The following FKBP10 variants were observed in gnomAD, a reference collection of about 807,000 sequenced individuals.
FKBP10 encodes the protein FKBP prolyl isomerase 10.
FKBP10 carries 34 observed loss-of-function variants against 53.7 expected under a neutral mutation model. That is an observed-to-expected ratio of 0.63 (90% confidence interval 0.48 to 0.84). FKBP10 has a LOEUF of 0.84. FKBP10 is among the 40% of genes least tolerant of loss of function. FKBP10 has a pLI of 0.00. For synonymous variants in FKBP10, 324 were observed against 335.7 expected (o/e 0.97, Z 0.38); for missense variants, 748 against 797.8 (o/e 0.94, Z 0.75).
intron 9 of FKBP10, 48 bp downstream of exon 9, chr17:41,821,865 C>T (rs1555617222): frequency 6.2e-7 from 1 of 1,610,988 alleles, no homozygotes; most frequent in Admixed American, 1.7e-5. Flanking sequence ...AATCCCCGCA[C>T]CCAGGAAGCA....
Position 41,818,496 on chromosome 17 carries a change from T to A in FKBP10, c.696T>A (p.Pro232=). 1 of 1,614,018 alleles carries A rather than the reference T, an allele frequency of 6.2e-7. No individual in the cohort carries two copies. Among genetic ancestry groups the A allele is most frequent in the Non-Finnish European group, 8.5e-7 (1 of 1,179,996 alleles). Reference sequence around the variant, plus strand: ...GAGAGAGAAGGAAGATTATCATCCCTCCATTCCTGGCCTATGGCGAGAAAG... The same window carrying A: ...GAGAGAGAAGGAAGATTATCATCCCACCATTCCTGGCCTATGGCGAGAAAG... ...CPGERRKIII[P]PFLAYGEKGY... Residue 232 remains proline, a synonymous_variant, in exon 4 of 10, where the codon CCT becomes CCA. Coordinates refer to ENST00000321562, the MANE Select transcript of FKBP10 (RefSeq NM_021939.4).
rs530234858 is a variant in FKBP10 at position 41,821,327 on chromosome 17, T to C, written c.1399+238T>C. ...TAGTAGAGACAGGGTTTTGCCATGTTGGTCAGGCTGGTCTTGAACTCCTGA... is the reference window on the plus strand; with the variant it reads ...TAGTAGAGACAGGGTTTTGCCATGTCGGTCAGGCTGGTCTTGAACTCCTGA... On this transcript the variant is annotated intron_variant, in intron 8 of 9. Transcript: ENST00000321562. Among the ~76,000 whole-genome samples, 413 of 152,164 alleles carry C rather than the reference T, an allele frequency of 2.7e-3. 3 individuals are homozygous for C. Among genetic ancestry groups the C allele is most frequent in the African/African-American group, 9.7e-3 (401 of 41,518 alleles).
intron 7 of FKBP10, 50 bp downstream of exon 7, chr17:41,820,511 G>C: frequency 6.3e-7 from 1 of 1,595,706 alleles, no homozygotes; most frequent in South Asian, 1.1e-5. Context: ...GCACAGGCAT[G>C]GGGAGTCCTC....
At chr17:41,819,710 C>T (rs1253153690) in intron 6 of FKBP10, 35 bp downstream of exon 6, 1 of 1,578,568 alleles carries the variant, frequency 6.3e-7, no homozygotes, top group Admixed American at 1.8e-5. Flanking sequence ...CTCAGCTCCT[C>T]CTCCGAACTG....
intron 1 of FKBP10, among the ~76,000 whole-genome samples, chr17:41,814,674 T>C (rs1262081879): frequency 6.6e-6 from 1 of 151,982 alleles, no homozygotes; most frequent in Non-Finnish European, 1.5e-5. Context: ...GAGGCAGGGG[T>C]TGGGATTTAG....
At position 41,817,954 on chromosome 17, in the gene FKBP10, A is replaced by G; in HGVS notation, c.392-135A>G. The stretch of plus-strand genomic sequence containing the variant: ...CCCTATCTCTTAAAAAAAAAAAACA[A>G]AAATAGTGGCATCTCTGTCCCTGGT... On this transcript the variant is annotated intron_variant, in intron 2 of 9. Coordinates refer to ENST00000321562, the MANE Select transcript of FKBP10 (RefSeq NM_021939.4). 14 of 936,702 alleles carry G rather than the reference A, an allele frequency of 1.5e-5. No individual in the cohort carries two copies. The South Asian group carries it at 2.1e-4, about 14-fold the overall frequency. The allele number at this position is 936,702 out of a possible 1,614,324, so 58.0% of individuals were successfully genotyped here.
intron 1 of FKBP10, among the ~76,000 whole-genome samples, chr17:41,816,281 A>G (rs1426650864): frequency 1.0e-4 from 11 of 106,194 alleles, no homozygotes; most frequent in Non-Finnish European, 1.9e-4. Flanking sequence ...GCCAGGCTGG[A>G]GTCCAGTGGC....
At chr17:41,816,672 G>A (rs1555616106) in intron 1 of FKBP10, among the ~76,000 whole-genome samples, 9 of 152,150 alleles carry the variant, frequency 5.9e-5, no homozygotes, top group Non-Finnish European at 1.3e-4. Context: ...AGAAGATACG[G>A]AATGTAAAAT....
chr17:41,821,967 CT>C, intron 9 of FKBP10, 150 bp downstream of exon 9: 1 of 1,038,368 alleles, frequency 9.6e-7, no homozygotes. Flanking sequence ...CTTGTCCCTG[CT>C]TTTTCCTGGG....
Position 41,822,326 on chromosome 17 carries a change from G to A in FKBP10, c.1667G>A (p.Arg556His), listed in dbSNP as rs138281924. 1,850 of 1,613,506 alleles carry A rather than the reference G, an allele frequency of 1.1e-3. 1 individual carries two copies. Among genetic ancestry groups the A allele is most frequent in the Non-Finnish European group, 1.4e-3 (1,706 of 1,179,702 alleles). ...GGAGACATGTTCCAGAACCAGGACCGCAACCAGGACGGCAAGATCACAGTC... is the reference window on the plus strand; with the variant it reads ...GGAGACATGTTCCAGAACCAGGACCACAACCAGGACGGCAAGATCACAGTC... ...TIGDMFQNQD[R>H]NQDGKITVDE... Residue 556 changes from arginine to histidine, a missense_variant, in exon 10 of 10, where the codon CGC becomes CAC. Physicochemically the swap from Arg to His is conservative, Grantham distance 29 (BLOSUM62 0). Coordinates refer to ENST00000321562, the MANE Select transcript of FKBP10 (RefSeq NM_021939.4).
Position 41,820,450 on chromosome 17 carries a change from G to GCTGTT in FKBP10, c.1247_1251dup (p.Thr418CysfsTer20), listed in dbSNP as rs1156397632. ...ACTGTTCTTTGCTGGACGGCACCCA[G>GCTGTT]CTGTTCACCTCGTGGGTCCGGGGGG... On this transcript the variant is annotated frameshift_variant, in exon 7 of 10. Coordinates refer to ENST00000321562, the MANE Select transcript of FKBP10 (RefSeq NM_021939.4). LOFTEE classifies it high-confidence loss of function. 3 of 1,613,784 alleles carry GCTGTT rather than the reference G, an allele frequency of 1.9e-6. No individual in the cohort carries two copies. The African/African-American group carries it at 4.0e-5, about 22-fold the overall frequency.
Position 41,822,579 on chromosome 17 carries a change from A to T in FKBP10, c.*171A>T. ...TGGTGTTCCCACCACCCTAGATGAA[A>T]ATCCACAGCACAGACCTCTACCGTG... On this transcript the variant is annotated 3_prime_UTR_variant, in exon 10 of 10. Coordinates refer to ENST00000321562, the MANE Select transcript of FKBP10 (RefSeq NM_021939.4). The T allele has an allele frequency of 1.4e-6, 1 of 727,752 alleles. No individual in the cohort carries two copies. Among genetic ancestry groups the T allele is most frequent in the Non-Finnish European group, 2.4e-6 (1 of 423,392 alleles). The allele number at this position is 727,752 out of a possible 1,614,324, so 45.1% of individuals were successfully genotyped here. A position where few individuals can be genotyped will look rare whatever the true frequency, so the allele number is the denominator to read the frequency against.
At chr17:41,816,227 C>CTTTTTTTTTTTT (rs781896839) in intron 1 of FKBP10, among the ~76,000 whole-genome samples, 1 of 77,060 alleles carries the variant, frequency 1.3e-5, no homozygotes. Flanking sequence ...TTAGAATAGG[C>CTTTTTTTTTTTT]TTTTTTTTTT....
Position 41,822,760 on chromosome 17 carries a change from C to G in FKBP10, c.*352C>G. On this transcript the variant is annotated 3_prime_UTR_variant, in exon 10 of 10. Coordinates refer to ENST00000321562, the MANE Select transcript of FKBP10 (RefSeq NM_021939.4). ...ACAGCTGAGCTTGTTATCCATCTCC[C>G]CAAACTTTCTCTTTCTTTGTACTTC... The G allele has an allele frequency of 1.6e-5, 6 of 385,104 alleles. No individual in the cohort carries two copies. The highest frequency in any genetic ancestry group is 3.0e-5 in the Non-Finnish European group (6 of 202,440). 23.9% of individuals were successfully genotyped at this position (385,104 alleles called of 1,614,324 possible). A position where few individuals can be genotyped will look rare whatever the true frequency, so the allele number is the denominator to read the frequency against.
intron 4 of FKBP10, 138 bp from the exon 5 acceptor site, chr17:41,819,072 C>T (rs1423644563): frequency 2.3e-6 from 2 of 860,522 alleles, no homozygotes; most frequent in Non-Finnish European, 3.8e-6. Context: ...GAGCAAGAAG[C>T]AGGGCTGCTG....
In FKBP10 at chr17:41,820,480, C is replaced by T. The variant is rs782576611; in HGVS notation, c.1256+19C>T. 13 of 1,610,076 alleles carry T rather than the reference C, an allele frequency of 8.1e-6. No homozygotes were observed. The Admixed American group carries it at 1.0e-4, about 12-fold the overall frequency. On this transcript the variant is annotated intron_variant, in intron 7 of 9. Transcript: ENST00000321562. Reference sequence around the variant, plus strand: ...TCACCTCGTGGGTCCGGGGGGGGGCCGGGACTGGGCAGGTGGGTGGGCACA... The same window carrying T: ...TCACCTCGTGGGTCCGGGGGGGGGCTGGGACTGGGCAGGTGGGTGGGCACA...
chr17:41,813,289 G>GT lies in FKBP10; in HGVS notation c.245+12dup. 1 of 1,613,452 alleles carries GT rather than the reference G, an allele frequency of 6.2e-7. No individual in the cohort carries two copies. Among genetic ancestry groups the GT allele is most frequent in the Non-Finnish European group, 8.5e-7 (1 of 1,179,928 alleles). On this transcript the variant is annotated intron_variant, in intron 1 of 9. Transcript: ENST00000321562. ...AGAAGTTTGATTCAAGGTAACCCCG[G>GT]TTGGGCGCCCCCGGATTCACCACTC...
chr17:41,816,314 TC>T (rs1555616089), intron 1 of FKBP10, among the ~76,000 whole-genome samples: 1 of 119,512 alleles, frequency 8.4e-6, no homozygotes, highest in Non-Finnish European at 1.6e-5. Flanking sequence ...CATTGCAACC[TC>T]CGCCTCCCGG....
Position 41,821,312 on chromosome 17 carries a change from A to C in FKBP10, c.1399+223A>C, listed in dbSNP as rs548014398. Among the ~76,000 whole-genome samples, 5 of 151,870 alleles carry C rather than the reference A, an allele frequency of 3.3e-5. No homozygotes were observed. In the South Asian group the frequency reaches 1.0e-3, roughly 32 times the overall value. On this transcript the variant is annotated intron_variant, in intron 8 of 9. Transcript: ENST00000321562. ...TAATTTTTGTATTTTTAGTAGAGAC[A>C]GGGTTTTGCCATGTTGGTCAGGCTG...
Sources: gnomAD v4.1 joint callset for allele counts (sites outside exome capture counted in the v4.1 genomes callset) on GRCh38, gnomAD v4.1.1 for gene constraint, MANE v1.5 for transcripts, NCBI Gene and HGNC (gene_info 2026-07-23, HGNC 2026-07-21) for gene names.